Variants in USP12 observed in about 807,000 individuals in gnomAD.
USP12 encodes the protein ubiquitin carboxyl-terminal hydrolase 12.
In USP12, 19 loss-of-function variants were observed where a neutral mutation model predicts 45.5. The observed-to-expected ratio is 0.42, with a 90% CI of 0.29 to 0.61. The LOEUF is 0.61. Among genes scored for constraint, USP12 ranks in the 20% least tolerant of loss-of-function variants. USP12 has a pLI of 0.22. For missense variants in USP12, 242 were observed against 447.7 expected (o/e 0.54, Z 4.15); for synonymous variants, 149 against 148.8 (o/e 1.00, Z -0.01).
At chr13:27,109,297 G>T (rs1875305288) in intron 2 of USP12, among the ~76,000 whole-genome samples, 2 of 152,170 alleles carry the variant, frequency 1.3e-5, no homozygotes, top group African/African-American at 4.8e-5. Context: ...TTGCTCAAGT[G>T]AACAACTGAA....
At chr13:27,111,828 G>A (rs1437402375) in intron 2 of USP12, among the ~76,000 whole-genome samples, 7 of 152,130 alleles carry the variant, frequency 4.6e-5, no homozygotes, top group Admixed American at 4.6e-4. Context: ...GAGTATTTTT[G>A]TAAAGGCTTT....
intron 3 of USP12, 140 bp from the exon 4 acceptor site, chr13:27,095,970 T>C (rs946032238): frequency 8.6e-6 from 5 of 584,178 alleles, no homozygotes; most frequent in Non-Finnish European, 1.4e-5. Context: ...AACAAATAAC[T>C]TTCGCATCTA....
chr13:27,101,031 G>A (rs1233439718), intron 3 of USP12, among the ~76,000 whole-genome samples: 1 of 152,148 alleles, frequency 6.6e-6, no homozygotes, highest in African/African-American at 2.4e-5. Flanking sequence ...TTTTAAAAAT[G>A]TACATCTTTT....
At chr13:27,146,450 T>C (rs1393308568) in intron 1 of USP12, among the ~76,000 whole-genome samples, 2 of 151,690 alleles carry the variant, frequency 1.3e-5, no homozygotes, top group Non-Finnish European at 2.9e-5. Flanking sequence ...GCTAGGGGTA[T>C]AAGGTAGGGA....
chr13:27,084,248 C>T (rs1873903366), intron 6 of USP12, among the ~76,000 whole-genome samples: 1 of 150,884 alleles, frequency 6.6e-6, no homozygotes, highest in Non-Finnish European at 1.5e-5. Flanking sequence ...TGGCTCATGC[C>T]TGTAATCCCA....
intron 8 of USP12, 87 bp from the exon 9 acceptor site, chr13:27,069,471 A>AT: frequency 2.0e-6 from 2 of 987,136 alleles, no homozygotes; most frequent in Non-Finnish European, 3.2e-6. Flanking sequence ...AATACCAAGT[A>AT]TTTGGTGAAA....
intron 7 of USP12, among the ~76,000 whole-genome samples, chr13:27,074,414 A>AG (rs1465946465): frequency 6.6e-6 from 1 of 152,168 alleles, no homozygotes; most frequent in Non-Finnish European, 1.5e-5. Context: ...AGAAAAAAAA[A>AG]AAATTCTAAT....
At chr13:27,160,949 G>A (rs1230727100) in intron 1 of USP12, among the ~76,000 whole-genome samples, 3 of 151,696 alleles carry the variant, frequency 2.0e-5, no homozygotes, top group Non-Finnish European at 2.9e-5. Context: ...TCTCCCTCCC[G>A]CCATCCTCCC....
intron 3 of USP12, among the ~76,000 whole-genome samples, chr13:27,099,003 G>T (rs916551487): frequency 6.6e-6 from 1 of 152,152 alleles, no homozygotes; most frequent in Non-Finnish European, 1.5e-5. Context: ...TGAGTCTGAG[G>T]GGGGCAGATC....
At chr13:27,122,336 G>A (rs968734785) in intron 1 of USP12, among the ~76,000 whole-genome samples, 3 of 152,154 alleles carry the variant, frequency 2.0e-5, no homozygotes, top group South Asian at 2.1e-4. Context: ...TCTTGCCACC[G>A]CCCTGTAAGA....
intron 6 of USP12, among the ~76,000 whole-genome samples, chr13:27,081,586 C>T (rs1873762257): frequency 6.6e-6 from 1 of 152,202 alleles, no homozygotes; most frequent in African/African-American, 2.4e-5. Flanking sequence ...AACCTCCTCC[C>T]ATGAATCACA....
intron 1 of USP12, among the ~76,000 whole-genome samples, chr13:27,154,515 A>G (rs1877726451): frequency 6.6e-6 from 1 of 152,214 alleles, no homozygotes; most frequent in Admixed American, 6.5e-5. Context: ...CCACGTCTTA[A>G]TGTTCACTTA....
intron 3 of USP12, among the ~76,000 whole-genome samples, chr13:27,096,689 G>A (rs988330794): frequency 5.9e-5 from 9 of 152,110 alleles, no homozygotes; most frequent in African/African-American, 1.7e-4. Context: ...ATTCAAACTG[G>A]GCAGCCTGAC....
At chr13:27,154,537 G>A (rs959224986) in intron 1 of USP12, among the ~76,000 whole-genome samples, 1 of 152,114 alleles carries the variant, frequency 6.6e-6, no homozygotes, top group Non-Finnish European at 1.5e-5. Context: ...TACAAAAGGT[G>A]TATGTTTACA....
intron 6 of USP12, among the ~76,000 whole-genome samples, chr13:27,082,393 G>A (rs376049541): frequency 6.6e-5 from 10 of 152,266 alleles, no homozygotes; most frequent in African/African-American, 2.4e-4. Flanking sequence ...ACAGGCCCTG[G>A]TTTTAGATTA....
intron 2 of USP12, among the ~76,000 whole-genome samples, chr13:27,113,333 C>T (rs570935958): frequency 8.5e-5 from 13 of 152,172 alleles, no homozygotes; most frequent in Admixed American, 2.6e-4. Flanking sequence ...GAAAAGGAAC[C>T]GTTTTTGAAG....
chr13:27,098,861 C>A (rs1023331046), intron 3 of USP12, among the ~76,000 whole-genome samples: 1 of 152,118 alleles, frequency 6.6e-6, no homozygotes. Context: ...GGAAACAGTT[C>A]CATTGAATTA....
At chr13:27,090,035 G>A (rs1346280745) in intron 5 of USP12, 47 bp downstream of exon 5, 1 of 1,572,104 alleles carries the variant, frequency 6.4e-7, no homozygotes, top group Admixed American at 1.7e-5. Flanking sequence ...AAATATTCCA[G>A]ACTAAAAATA....
chr13:27,098,470 G>A (rs1384002737), intron 3 of USP12, among the ~76,000 whole-genome samples: 1 of 152,032 alleles, frequency 6.6e-6, no homozygotes, highest in Non-Finnish European at 1.5e-5. Flanking sequence ...TACATGACAA[G>A]GGACTGGGAA....
Sources: gnomAD v4.1 joint callset for allele counts (sites outside exome capture counted in the v4.1 genomes callset) on GRCh38, gnomAD v4.1.1 for gene constraint, MANE v1.5 for transcripts, NCBI Gene and HGNC (gene_info 2026-07-23, HGNC 2026-07-21) for gene names.